Variants in NPIPB2 observed in about 807,000 individuals in gnomAD.
NPIPB2 encodes the protein nuclear pore complex-interacting protein family member B2.
Under a neutral mutation model 30.8 loss-of-function variants are expected in NPIPB2, and 27 were observed. The ratio of observed to expected loss-of-function variants is 0.88; its 90% CI spans 0.65 to 1.21. NPIPB2 has a LOEUF of 1.21. NPIPB2 is among the 50% of genes most tolerant of loss of function. The pLI is 0.00. For missense variants in NPIPB2, 440 were observed against 446.2 expected (o/e 0.99, Z 0.13); for synonymous variants, 147 against 162.0 (o/e 0.91, Z 0.70).
chr16:11,962,026 C>A (rs1343295420), intron 1 of NPIPB2, among the ~76,000 whole-genome samples: 2 of 151,692 alleles, frequency 1.3e-5, no homozygotes, highest in East Asian at 3.9e-4. Context: ...ATGATGAAAT[C>A]TCATCTCTAC....
chr16:11,955,190 C>G (rs951470035), intron 1 of NPIPB2, among the ~76,000 whole-genome samples: 3 of 151,722 alleles, frequency 2.0e-5, no homozygotes, highest in African/African-American at 7.3e-5. Context: ...CCCATCTCTA[C>G]TAAAAATACA....
At chr16:11,972,122 C>T (rs1048395432) in intron 1 of NPIPB2, among the ~76,000 whole-genome samples, 4 of 150,660 alleles carry the variant, frequency 2.7e-5, no homozygotes, top group Non-Finnish European at 1.5e-5. Flanking sequence ...CTCCACAGCC[C>T]AGGCGACAAT....
intron 1 of NPIPB2, among the ~76,000 whole-genome samples, chr16:11,950,985 T>C (rs1015988144): frequency 4.6e-5 from 7 of 152,080 alleles, no homozygotes; most frequent in African/African-American, 1.7e-4. Flanking sequence ...TTTTTTTGCA[T>C]GTAAAATATG....
chr16:11,962,186 A>G (rs2055157291), intron 1 of NPIPB2, among the ~76,000 whole-genome samples: 1 of 140,290 alleles, frequency 7.1e-6, no homozygotes. Context: ...CAATAGAGCA[A>G]CACCCTGTCT....
In NPIPB2 at chr16:11,933,701, T is replaced by C. The variant is rs563976911; in HGVS notation, c.304A>G (p.Ile102Val). 831 of 1,596,958 alleles carry C rather than the reference T, an allele frequency of 5.2e-4. 5 individuals are homozygous for C. Among genetic ancestry groups the C allele is most frequent in the South Asian group, 1.9e-4 (17 of 90,972 alleles). Residue 102 changes from isoleucine to valine, a missense_variant, in exon 4 of 8, where the codon ATT (isoleucine) becomes GTT (valine). Around this residue, in one of 3 missense-constraint regions of NPIPB2, gnomAD observed 252 missense variants for 233.0 expected, o/e 1.08. Coordinates refer to ENST00000399147, the Ensembl canonical transcript of NPIPB2. ...ACTCTTTTCTTTGTGTGCATACAAATGGACCTCAGCCCTTGGTGAGAGTGA... is the reference window on the plus strand; with the variant it reads ...ACTCTTTTCTTTGTGTGCATACAAACGGACCTCAGCCCTTGGTGAGAGTGA...
intron 1 of NPIPB2, chr16:11,968,108 A>C: frequency 1.8e-5 from 7 of 386,618 alleles, no homozygotes; most frequent in Non-Finnish European, 2.4e-5. Context: ...AAAAACAAGC[A>C]TGTATACCAG....
intron 1 of NPIPB2, among the ~76,000 whole-genome samples, chr16:11,975,140 C>CCTTTT (rs1362951446): frequency 0.051 from 3,503 of 68,040 alleles, 704 homozygotes; most frequent in East Asian, 0.091. Flanking sequence ...CAATCCATCA[C>CCTTTT]CTTTTTTTTT....
exon 2 of NPIPB2, chr16:11,937,600 G>T (rs530326670): frequency 1.3e-6 from 2 of 1,599,518 alleles, no homozygotes; most frequent in Admixed American, 3.3e-5. Flanking sequence ...ATGCAATAAT[G>T]ATACGTAACC....
Position 11,933,820 on chromosome 16 carries a change from C to T in NPIPB2, c.292+5G>A, listed in dbSNP as rs2054826341. ...CACACTATGGGGACTCCAACAGAGCCATACCTTCCTGTCTACGGCGGTTGG... is the reference window on the plus strand; with the variant it reads ...CACACTATGGGGACTCCAACAGAGCTATACCTTCCTGTCTACGGCGGTTGG... On this transcript the variant is annotated splice_donor_5th_base_variant and intron_variant, in intron 3 of 7. Transcript: ENST00000399147. 1.3e-6 allele frequency: 2 copies of T among 1,589,274 alleles called. No individual in the cohort carries two copies. Among genetic ancestry groups the T allele is most frequent in the South Asian group, 2.2e-5 (2 of 90,832 alleles).
Position 11,941,833 on chromosome 16 carries a change from C to G in NPIPB2, c.63+150G>C, listed in dbSNP as rs527699321. The G allele has an allele frequency of 2.6e-3, 3,080 of 1,193,828 alleles. 59 individuals carry two copies. In the African/African-American group the frequency reaches 0.042, roughly 16 times the overall value. The allele number at this position is 1,193,828 out of a possible 1,614,324, so 74.0% of individuals were successfully genotyped here. ...GGACAGGTCCTCTCTGGAACCTTCA[C>G]AAACCTGATTTCTGGTCCTCCCCAA... On this transcript the variant is annotated intron_variant, in intron 1 of 7. Coordinates refer to ENST00000399147, the Ensembl canonical transcript of NPIPB2.
upstream of NPIPB2, chr16:11,942,159 A>G: frequency 2.6e-6 from 4 of 1,509,744 alleles, no homozygotes; most frequent in East Asian, 4.9e-5. Context: ...TTAAGCATGC[A>G]TGGTACATTT....
At chr16:11,939,575 A>AT (rs1200808068) in intron 1 of NPIPB2, among the ~76,000 whole-genome samples, 4 of 132,682 alleles carry the variant, frequency 3.0e-5, no homozygotes, top group African/African-American at 1.1e-4. Context: ...AAAAAAAAAA[A>AT]AAAAAAATTA....
At chr16:11,966,335 A>G (rs1280074606) in intron 1 of NPIPB2, 1 of 1,611,432 alleles carries the variant, frequency 6.2e-7, no homozygotes, top group Non-Finnish European at 8.5e-7. Context: ...CGAGTTTAAA[A>G]ACACAGGTTG....
chr16:11,956,119 G>A (rs2055110427), intron 1 of NPIPB2: 1 of 152,222 alleles, frequency 6.6e-6, no homozygotes, highest in Non-Finnish European at 1.5e-5. Context: ...CCATGTTGAT[G>A]GGCACCTCCC....
At chr16:11,944,192 T>G (rs1245308388), upstream of NPIPB2, among the ~76,000 whole-genome samples, 1 of 148,942 alleles carries the variant, frequency 6.7e-6, no homozygotes, top group East Asian at 2.1e-4. Context: ...TTTTTGGAGA[T>G]GGAGTCTTGC....
chr16:11,938,643 T>C (rs2054898706), intron 1 of NPIPB2, among the ~76,000 whole-genome samples: 1 of 151,402 alleles, frequency 6.6e-6, no homozygotes, highest in African/African-American at 2.4e-5. Context: ...AATCTCCTAA[T>C]GTTTTAAGAA....
chr16:11,950,420 G>A (rs1422937620), intron 1 of NPIPB2, among the ~76,000 whole-genome samples: 1 of 152,072 alleles, frequency 6.6e-6, no homozygotes, highest in Admixed American at 6.6e-5. Context: ...TCCTCTTGCT[G>A]CAGCCCCCCA....
At chr16:11,966,417 T>TTTTTTTTTTTTTG in intron 1 of NPIPB2, 1 of 1,443,936 alleles carries the variant, frequency 6.9e-7, no homozygotes, top group African/African-American at 1.4e-5. Flanking sequence ...TTTCTTTTTT[T>TTTTTTTTTTTTTG]AGCGTTGACT....
At chr16:11,931,830 C>T (rs2054793421) in intron 4 of NPIPB2, among the ~76,000 whole-genome samples, 1 of 152,028 alleles carries the variant, frequency 6.6e-6, no homozygotes. Context: ...TGGCAGTAAA[C>T]AGACAAGAGG....
Sources: gnomAD v4.1 joint callset for allele counts (sites outside exome capture counted in the v4.1 genomes callset) on GRCh38, gnomAD v4.1.1 for gene constraint, gnomAD v4.1.1 regional missense constraint, MANE v1.5 for transcripts, NCBI Gene and HGNC (gene_info 2026-07-23, HGNC 2026-07-21) for gene names.